PCDHGB1: variants seen among roughly 807,000 people sequenced by gnomAD.
PCDHGB1 encodes protocadherin gamma subfamily B, 1.
Under a neutral mutation model 56.6 loss-of-function variants are expected in PCDHGB1, and 34 were observed. The ratio of observed to expected loss-of-function variants is 0.60; its 90% CI spans 0.46 to 0.80. The LOEUF (loss-of-function observed/expected upper bound fraction) is 0.80, where lower values mean the gene tolerates loss of function less well. PCDHGB1 is among the 30% of genes least tolerant of loss of function. The pLI, the probability that PCDHGB1 is intolerant of heterozygous loss-of-function variation, is 0.00. For missense variants in PCDHGB1, 1,278 were observed against 1,204.6 expected, an observed-to-expected ratio of 1.06 and a Z score of -0.90; for synonymous variants, 561 against 505.9, an observed-to-expected ratio of 1.11 and a Z score of -1.46.
At chr5:141,405,603 T>A in intron 1 of PCDHGB1, 1 of 571,444 alleles carries the variant, frequency 1.7e-6, no homozygotes, top group Non-Finnish European at 3.1e-6. Flanking sequence ...CCAAGTAGAA[T>A]AACTGGGACT....
chr5:141,511,084 C>G lies in PCDHGB1; in HGVS notation c.2695C>G (p.Leu899Val). 1 of 1,614,236 alleles carries G rather than the reference C, an allele frequency of 6.2e-7. No homozygotes were observed. Among genetic ancestry groups the G allele is most frequent in the Non-Finnish European group, 8.5e-7 (1 of 1,180,030 alleles). The change falls in exon 4 of 4, where the codon CTG becomes GTG. Residue 899 changes from leucine (L) to valine (V), a missense_variant. Leu to Val is a conservative substitution (Grantham distance 32). Coordinates refer to ENST00000523390, the MANE Select transcript of PCDHGB1 (RefSeq NM_018922.3). Reference sequence around the variant, plus strand: ...CTACATCCCAGGCAGCAATGCCACACTGACCAACGCAGCTGGCAAGCGGGA... The same window carrying G: ...CTACATCCCAGGCAGCAATGCCACAGTGACCAACGCAGCTGGCAAGCGGGA... ...NVYIPGSNAT[L>V]TNAAGKRDGK...
At chr5:141,366,474 G>T (rs1339425803) in intron 1 of PCDHGB1, 10 of 1,614,248 alleles carry the variant, frequency 6.2e-6, no homozygotes, top group Non-Finnish European at 8.5e-6. Context: ...CTGGTGCTCA[G>T]ACTGAGGCGC....
In PCDHGB1 at chr5:141,410,593, G is replaced by C. The variant is rs921521742; in HGVS notation, c.2409+57924G>C. ...TTCCACCTCATGGTGGGGAGGATTT[G>C]ACTTCACATCCTGAGACTCTGACTT... On this transcript the variant is annotated intron_variant, in intron 1 of 3. Coordinates refer to ENST00000523390, the MANE Select transcript of PCDHGB1 (RefSeq NM_018922.3). The C allele has an allele frequency of 2.5e-6, 4 of 1,608,934 alleles. No individual in the cohort carries two copies. In the African/African-American group the frequency reaches 5.3e-5, roughly 21 times the overall value.
In PCDHGB1 at chr5:141,415,213, G is replaced by A. The variant is rs750613524; in HGVS notation, c.2409+62544G>A. On this transcript the variant is annotated intron_variant, in intron 1 of 3. Coordinates refer to ENST00000523390, the MANE Select transcript of PCDHGB1 (RefSeq NM_018922.3). ...CATCCCCCAAGTCCTGGCGGACCTC[G>A]GCAGCTTCGAGTCTCCAGCTAACTC... 1.9e-6 allele frequency: 3 copies of A among 1,614,074 alleles called. No individual in the cohort carries two copies. In the East Asian group the frequency reaches 6.7e-5, roughly 36 times the overall value.
intron 1 of PCDHGB1, chr5:141,441,669 T>C: frequency 3.5e-6 from 1 of 287,870 alleles, no homozygotes; most frequent in Non-Finnish European, 6.8e-6. Context: ...GAGCGCACAG[T>C]GCGCCTTCGA....
At chr5:141,396,792 A>G (rs2093435420) in intron 1 of PCDHGB1, among the ~76,000 whole-genome samples, 1 of 152,202 alleles carries the variant, frequency 6.6e-6, no homozygotes, top group Non-Finnish European at 1.5e-5. Flanking sequence ...GACATTTCCT[A>G]AGGATTGTGT....
intron 1 of PCDHGB1, chr5:141,388,093 C>T: frequency 7.3e-7 from 1 of 1,371,560 alleles, no homozygotes; most frequent in South Asian, 1.3e-5. Context: ...CGCGTCAGTT[C>T]GGAGAAGCCT....
At chr5:141,430,948 A>C (rs753305931) in intron 1 of PCDHGB1, 47 of 1,609,938 alleles carry the variant, frequency 2.9e-5, no homozygotes, top group Non-Finnish European at 4.0e-5. Context: ...CGGAGCGCGG[A>C]GTCCGCATCA....
intron 1 of PCDHGB1, among the ~76,000 whole-genome samples, chr5:141,473,922 A>T (rs1025156251): frequency 2.0e-5 from 3 of 152,182 alleles, no homozygotes; most frequent in South Asian, 2.1e-4. Flanking sequence ...GAAAACTATG[A>T]GCTGGGTGCA....
intron 3 of PCDHGB1, among the ~76,000 whole-genome samples, chr5:141,508,658 A>G (rs1420910010): frequency 2.0e-5 from 3 of 152,086 alleles, no homozygotes; most frequent in African/African-American, 4.8e-5. Flanking sequence ...CCTTCCTGTC[A>G]TTCTGTCTCT....
At position 141,476,172 on chromosome 5, in the gene PCDHGB1, T is replaced by C; in HGVS notation, c.2410-18635T>C. 6.2e-7 allele frequency: 1 copy of C among 1,612,930 alleles called. No individual in the cohort carries two copies. The highest frequency in any genetic ancestry group is 1.1e-5 in the South Asian group (1 of 91,026). On this transcript the variant is annotated intron_variant, in intron 1 of 3. Coordinates refer to ENST00000523390, the MANE Select transcript of PCDHGB1 (RefSeq NM_018922.3). This position sits in a 1 kb window ranked among gnomAD's most constrained non-coding sequence, Gnocchi z 7.6. ...GTAAGCACCGGGAGGGTAGTGGGAG[T>C]TTTGCTTCTGCTTGGTGCCTTGAAC...
At position 141,477,806 on chromosome 5, in the gene PCDHGB1, G is replaced by GC; in HGVS notation, c.2410-16995dup. Reference sequence around the variant, plus strand: ...ATTTGTCACTGATCGCAATGACAATGCCCCCCAGGTCCTATATCCTCGGCC... The same window carrying GC: ...ATTTGTCACTGATCGCAATGACAATGCCCCCCCAGGTCCTATATCCTCGGCC... On this transcript the variant is annotated intron_variant, in intron 1 of 3. Transcript: ENST00000523390. This position sits in a 1 kb window ranked among gnomAD's most constrained non-coding sequence, Gnocchi z 4.9. 1 of 1,614,114 alleles carries GC rather than the reference G, an allele frequency of 6.2e-7. No homozygotes were observed.
chr5:141,388,930 C>G, intron 1 of PCDHGB1: 1 of 1,614,002 alleles, frequency 6.2e-7, no homozygotes, highest in South Asian at 1.1e-5. Flanking sequence ...ATATTCCAGT[C>G]TCTACCCAAC....
intron 1 of PCDHGB1, chr5:141,404,714 G>A: frequency 3.1e-6 from 5 of 1,614,068 alleles, no homozygotes; most frequent in Non-Finnish European, 4.2e-6. Flanking sequence ...TGGCTACCTG[G>A]TGACCAAGGT....
At chr5:141,389,745 A>G in intron 1 of PCDHGB1, 1 of 1,612,748 alleles carries the variant, frequency 6.2e-7, no homozygotes, top group Non-Finnish European at 8.5e-7. Context: ...GGGGCTGCGC[A>G]CGGGCGAAGT....
intron 1 of PCDHGB1, chr5:141,375,081 T>C (rs1588758093): frequency 1.9e-6 from 3 of 1,613,960 alleles, no homozygotes; most frequent in Non-Finnish European, 2.5e-6. Context: ...AGAGCGAAAG[T>C]CTTAATAACT....
rs71576115 is a variant in PCDHGB1 at position 141,463,438 on chromosome 5, C to CTTTT, written c.2410-31344_2410-31341dup. Among the ~76,000 whole-genome samples, 106 of 103,254 alleles carry CTTTT rather than the reference C, an allele frequency of 1.0e-3. 8 individuals are homozygous for CTTTT. Among genetic ancestry groups the CTTTT allele is most frequent in the African/African-American group, 3.9e-3 (88 of 22,404 alleles). The allele number at this position is 103,254 out of a possible 152,430, so 67.7% of individuals were successfully genotyped here. ...GTTTGCGGATCCTCATTTCCTTCTC[C>CTTTT]TTTTTTTTTTTTTTTTTTTTTTTTT... is the stretch of plus-strand genomic sequence containing the variant. On this transcript the variant is annotated intron_variant, in intron 1 of 3. Transcript: ENST00000523390.
At chr5:141,356,209 G>A in intron 1 of PCDHGB1, 1 of 1,605,328 alleles carries the variant, frequency 6.2e-7, no homozygotes, top group Non-Finnish European at 8.5e-7. Flanking sequence ...ACTGGTGACA[G>A]TTCTGGATGA....
At chr5:141,363,400 G>C (rs1762910571) in intron 1 of PCDHGB1, among the ~76,000 whole-genome samples, 1 of 151,934 alleles carries the variant, frequency 6.6e-6, no homozygotes, top group Admixed American at 6.6e-5. Context: ...GTCATATAAA[G>C]ATGATAGCAG....
Sources: gnomAD v4.1 joint callset for allele counts (sites outside exome capture counted in the v4.1 genomes callset) on GRCh38, gnomAD v4.1.1 for gene constraint, Gnocchi (gnomAD v3.1) non-coding constraint, MANE v1.5 for transcripts, NCBI Gene and HGNC (gene_info 2026-07-23, HGNC 2026-07-21) for gene names.